CLASP1: variants seen among roughly 807,000 people sequenced by gnomAD.
CLASP1 encodes the protein CLIP-associating protein 1.
A neutral mutation model predicts 192.3 loss-of-function variants in CLASP1; 38 were observed. That is an observed-to-expected ratio of 0.20 (90% CI 0.15 to 0.26). The LOEUF (loss-of-function observed/expected upper bound fraction) is 0.26. Ranked by LOEUF, CLASP1 falls within the 10% of genes least tolerant of loss-of-function variation. The pLI, the probability that CLASP1 is intolerant of heterozygous loss-of-function variation, is 1.00. For synonymous variants in CLASP1, 691 were observed against 712.8 expected (o/e 0.97, Z 0.49); for missense variants, 1,433 against 1,932.5 (o/e 0.74, Z 4.85).
chr2:121,556,290 A>G (rs1299353916), intron 2 of CLASP1, among the ~76,000 whole-genome samples: 1 of 152,064 alleles, frequency 6.6e-6, no homozygotes, highest in African/African-American at 2.4e-5. Context: ...CCAGCCACAG[A>G]ATGTCCTTTT....
intron 1 of CLASP1, among the ~76,000 whole-genome samples, chr2:121,646,044 C>T (rs1340518227): frequency 6.6e-6 from 1 of 152,188 alleles, no homozygotes; most frequent in Non-Finnish European, 1.5e-5. Flanking sequence ...ATCTTACAAA[C>T]CAAAAACTGT....
At chr2:121,447,303 TGCA>T (rs1480106911) in intron 19 of CLASP1, 31 bp downstream of exon 19, 2 of 1,560,786 alleles carry the variant, frequency 1.3e-6, no homozygotes, top group East Asian at 2.3e-5. Flanking sequence ...TGCAGAGCAG[TGCA>T]GGAGGGAAAG....
intron 1 of CLASP1, among the ~76,000 whole-genome samples, chr2:121,629,510 G>T (rs751503765): frequency 7.9e-5 from 12 of 151,896 alleles, no homozygotes; most frequent in Non-Finnish European, 1.3e-4. Flanking sequence ...AGCAAACTAG[G>T]CCGGGAGCGG....
At chr2:121,586,138 CTTTTT>C (rs1049212303) in intron 2 of CLASP1, among the ~76,000 whole-genome samples, 12 of 151,790 alleles carry the variant, frequency 7.9e-5, no homozygotes, top group African/African-American at 2.7e-4. Context: ...TTCTTTTTTT[CTTTTT>C]TTGAGACATA....
chr2:121,599,654 G>A (rs13392649), intron 2 of CLASP1, among the ~76,000 whole-genome samples: 25,772 of 139,204 alleles, frequency 0.19, 3,875 homozygotes, highest in African/African-American at 0.43. Flanking sequence ...GGTGGCTCAC[G>A]CCTGTAATCC....
chr2:121,360,444 G>C (rs1234312190), intron 37 of CLASP1, among the ~76,000 whole-genome samples: 1 of 152,058 alleles, frequency 6.6e-6, no homozygotes, highest in Non-Finnish European at 1.5e-5. Flanking sequence ...AAAATGGAAG[G>C]ACTAGAGAAC....
intron 2 of CLASP1, among the ~76,000 whole-genome samples, chr2:121,588,572 C>T (rs778414937): frequency 6.6e-6 from 1 of 152,200 alleles, no homozygotes; most frequent in Non-Finnish European, 1.5e-5. Context: ...TTATGCCAAG[C>T]ACTGGGCAGT....
chr2:121,530,883 C>G (rs564290155), intron 2 of CLASP1: 1 of 692,168 alleles, frequency 1.4e-6, no homozygotes, highest in African/African-American at 1.8e-5. Context: ...CTATTATAAC[C>G]ATCCTTTTCT....
At position 121,517,858 on chromosome 2, in the gene CLASP1, C is replaced by CTTTTTTTT. The variant is rs70954553; in HGVS notation, c.547-2104_547-2097dup. ...CCTCAGAGACAAAGCAAGACTCAAG[C>CTTTTTTTT]TTTTTTTTTTTTTTTTTTTTTTTTT... is the stretch of plus-strand genomic sequence containing the variant. On this transcript the variant is annotated intron_variant, in intron 6 of 39. Coordinates refer to ENST00000263710, the Ensembl canonical transcript of CLASP1. Among the ~76,000 whole-genome samples the CTTTTTTTT allele has an allele frequency of 3.3e-3, 102 of 30,820 alleles. 14 individuals are homozygous for CTTTTTTTT. The highest frequency in any genetic ancestry group is 8.0e-3 in the African/African-American group (55 of 6,910). The allele number at this position is 30,820 out of a possible 152,430, so 20.2% of individuals were successfully genotyped here. A position where few individuals can be genotyped will look rare whatever the true frequency, so the allele number is the denominator to read the frequency against.
intron 8 of CLASP1, among the ~76,000 whole-genome samples, chr2:121,483,498 G>GTA (rs1355999636): frequency 2.0e-5 from 3 of 151,462 alleles, no homozygotes; most frequent in South Asian, 2.1e-4. Context: ...ATATATGTGT[G>GTA]TATATATATG....
rs869087192 is a variant in CLASP1 at position 121,631,158 on chromosome 2, CAAAAAAAAA to C, written c.-286+18205_-286+18213del. Among the ~76,000 whole-genome samples the C allele has an allele frequency of 3.7e-3, 239 of 65,172 alleles. 2 individuals are homozygous for C. The highest frequency in any genetic ancestry group is 0.011 in the African/African-American group (191 of 17,806). The allele number at this position is 65,172 out of a possible 152,430, so 42.8% of individuals were successfully genotyped here. Reference sequence around the variant, plus strand: ...TGGGTGACAAAGCGAGACTCCAGCTCAAAAAAAAAAAAAAAAAAAAAAAAGAAATGAGAA... The same window carrying C: ...TGGGTGACAAAGCGAGACTCCAGCTCAAAAAAAAAAAAAAAGAAATGAGAA... On this transcript the variant is annotated intron_variant, in intron 1 of 39. Transcript: ENST00000263710.
At chr2:121,618,624 AT>A (rs2066836342) in intron 1 of CLASP1, among the ~76,000 whole-genome samples, 1 of 152,176 alleles carries the variant, frequency 6.6e-6, no homozygotes, top group South Asian at 2.1e-4. Context: ...AAGTATTCAT[AT>A]TTTTCAAGCT....
intron 5 of CLASP1, among the ~76,000 whole-genome samples, chr2:121,526,625 A>G (rs2094581602): frequency 6.6e-6 from 1 of 152,170 alleles, no homozygotes; most frequent in Admixed American, 6.5e-5. Context: ...AAAGGCTAAC[A>G]TATTAAGATG....
At chr2:121,575,605 C>T (rs1576147743) in intron 2 of CLASP1, among the ~76,000 whole-genome samples, 1 of 152,092 alleles carries the variant, frequency 6.6e-6, no homozygotes, top group East Asian at 1.9e-4. Context: ...TTATTTCTCT[C>T]CATCGTACAA....
chr2:121,632,893 T>C (rs540679429), intron 1 of CLASP1, among the ~76,000 whole-genome samples: 1,760 of 136,030 alleles, frequency 0.013, 17 homozygotes, highest in South Asian at 0.03. Flanking sequence ...TGAAACTCCA[T>C]CTCAGAAAAA....
At chr2:121,535,869 C>T (rs1278610127) in intron 2 of CLASP1, among the ~76,000 whole-genome samples, 1 of 151,756 alleles carries the variant, frequency 6.6e-6, no homozygotes, top group Non-Finnish European at 1.5e-5. Context: ...GCCATGTTGC[C>T]CAGGCTGGTC....
chr2:121,624,261 A>G lies in CLASP1; in HGVS notation c.-285-18081T>C, dbSNP rs114616814. 7.1e-3 allele frequency among the ~76,000 whole-genome samples: 1,081 copies of G among 152,126 alleles called. 13 individuals carry two copies. The highest frequency in any genetic ancestry group is 0.024 in the African/African-American group (993 of 41,502). On this transcript the variant is annotated intron_variant, in intron 1 of 39. Transcript: ENST00000263710. The stretch of plus-strand genomic sequence containing the variant: ...ATTTGACATCTTTCTTCTTTTTTTA[A>G]TACAAGCATTTATAGCTATAAATTT...
intron 14 of CLASP1, among the ~76,000 whole-genome samples, chr2:121,456,471 A>G (rs1458677210): frequency 6.6e-6 from 1 of 151,816 alleles, no homozygotes; most frequent in Non-Finnish European, 1.5e-5. Context: ...AAGAAAGAAA[A>G]GAAAGGAAAG....
chr2:121,613,008 T>C (rs561479615), intron 1 of CLASP1, among the ~76,000 whole-genome samples: 1 of 152,348 alleles, frequency 6.6e-6, no homozygotes, highest in South Asian at 2.1e-4. Context: ...TGAGAGACAT[T>C]AAAATGATAC....
Sources: allele counts gnomAD v4.1 joint callset (sites outside exome capture counted in the v4.1 genomes callset), GRCh38; gene constraint gnomAD v4.1.1; transcripts MANE v1.5; gene names NCBI Gene and HGNC (gene_info 2026-07-23, HGNC 2026-07-21).